Variants in LIN7A observed in about 807,000 individuals in gnomAD.
LIN7A encodes the protein lin-7 cell polarity scaffold A.
A neutral mutation model predicts 29.8 loss-of-function variants in LIN7A; 25 were observed. That is an observed-to-expected ratio of 0.84 (90% confidence interval 0.61 to 1.17). The LOEUF (loss-of-function observed/expected upper bound fraction) is 1.17, where lower values mean the gene tolerates loss of function less well. LIN7A is among the 50% of genes most tolerant of loss of function. The pLI is 0.00. For missense variants in LIN7A, 239 were observed against 287.0 expected (o/e 0.83, Z 1.21); for synonymous variants, 118 against 107.5 (o/e 1.10, Z -0.60).
chr12:80,835,662 A>G (rs1416875876), intron 4 of LIN7A, among the ~76,000 whole-genome samples: 1 of 152,224 alleles, frequency 6.6e-6, no homozygotes, highest in Non-Finnish European at 1.5e-5. Flanking sequence ...AGACACTCTT[A>G]CATACTTTCT....
intron 2 of LIN7A, among the ~76,000 whole-genome samples, chr12:80,882,767 T>C (rs1423365441): frequency 6.6e-6 from 1 of 152,204 alleles, no homozygotes; most frequent in East Asian, 1.9e-4. Context: ...CGTCAACTCT[T>C]TAAGCTAGGC....
intron 3 of LIN7A, among the ~76,000 whole-genome samples, chr12:80,846,511 A>G (rs1385033594): frequency 6.6e-6 from 1 of 152,180 alleles, no homozygotes; most frequent in East Asian, 1.9e-4. Context: ...AAAATTAAGG[A>G]TGCCTTAAAG....
intron 1 of LIN7A, among the ~76,000 whole-genome samples, chr12:80,922,518 T>C (rs560120278): frequency 6.6e-6 from 1 of 152,302 alleles, no homozygotes; most frequent in East Asian, 1.9e-4. Flanking sequence ...CACTGAAAGG[T>C]AACCTGAATG....
intron 1 of LIN7A, among the ~76,000 whole-genome samples, chr12:80,921,902 G>A (rs990986746): frequency 6.6e-6 from 1 of 152,180 alleles, no homozygotes; most frequent in African/African-American, 2.4e-5. Flanking sequence ...CAGCTAAGTA[G>A]GATAGGTCTG....
intron 1 of LIN7A, among the ~76,000 whole-genome samples, chr12:80,894,448 C>T (rs953636954): frequency 6.6e-6 from 1 of 151,524 alleles, no homozygotes; most frequent in Non-Finnish European, 1.5e-5. Context: ...CTTTGCTCTC[C>T]CTCACACTCC....
intron 4 of LIN7A, among the ~76,000 whole-genome samples, chr12:80,818,221 G>A (rs554025090): frequency 4.6e-5 from 7 of 152,066 alleles, no homozygotes; most frequent in African/African-American, 1.4e-4. Flanking sequence ...TGCAGTGGCC[G>A]GATCTTGGCT....
intron 2 of LIN7A, among the ~76,000 whole-genome samples, chr12:80,883,946 C>T (rs143025323): frequency 6.6e-6 from 1 of 152,052 alleles, no homozygotes; most frequent in Non-Finnish European, 1.5e-5. Flanking sequence ...CACTGGGGAC[C>T]AGGAGCACTT....
chr12:80,853,457 T>C (rs1484364511), intron 2 of LIN7A, among the ~76,000 whole-genome samples: 2 of 152,146 alleles, frequency 1.3e-5, no homozygotes, highest in Non-Finnish European at 2.9e-5. Flanking sequence ...TATAAAGAAC[T>C]GTCAAAAGCC....
At chr12:80,854,112 C>T (rs955265633) in intron 2 of LIN7A, among the ~76,000 whole-genome samples, 1 of 152,122 alleles carries the variant, frequency 6.6e-6, no homozygotes, top group East Asian at 1.9e-4. Context: ...CTTCTTCTAG[C>T]TATTTATCCA....
intron 4 of LIN7A, among the ~76,000 whole-genome samples, chr12:80,821,682 G>A (rs569221840): frequency 6.6e-6 from 1 of 152,362 alleles, no homozygotes; most frequent in African/African-American, 2.4e-5. Flanking sequence ...TAGGGAGCCA[G>A]TGGGAGCCAG....
intron 5 of LIN7A, among the ~76,000 whole-genome samples, chr12:80,807,080 T>TTTTTTTTGTTG (rs1555221377): frequency 3.7e-5 from 5 of 134,686 alleles, no homozygotes; most frequent in African/African-American, 1.4e-4. Flanking sequence ...TTTTTTTTTT[T>TTTTTTTTGTTG]TTTTTTTTTT....
At chr12:80,912,752 A>C (rs1876828092) in intron 1 of LIN7A, among the ~76,000 whole-genome samples, 5 of 151,220 alleles carry the variant, frequency 3.3e-5, no homozygotes, top group Admixed American at 3.3e-4. Flanking sequence ...AAAAGAAAAC[A>C]CTCTATAGAA....
chr12:80,866,367 T>C (rs1431759647), intron 2 of LIN7A, among the ~76,000 whole-genome samples: 1 of 152,202 alleles, frequency 6.6e-6, no homozygotes, highest in African/African-American at 2.4e-5. Context: ...TGAAAGCATT[T>C]TGTTGACTCT....
chr12:80,800,701 T>C (rs551727702), intron 5 of LIN7A, among the ~76,000 whole-genome samples: 1 of 152,216 alleles, frequency 6.6e-6, no homozygotes, highest in Admixed American at 6.5e-5. Flanking sequence ...CTATAATTGC[T>C]TTCAGCATAT....
chr12:80,900,285 A>C (rs1876144089), intron 1 of LIN7A, among the ~76,000 whole-genome samples: 1 of 151,446 alleles, frequency 6.6e-6, no homozygotes, highest in South Asian at 2.1e-4. Flanking sequence ...GATTTTGGTT[A>C]TTTTTTTGTC....
chr12:80,891,061 G>T (rs1875598795), intron 1 of LIN7A, among the ~76,000 whole-genome samples: 1 of 151,994 alleles, frequency 6.6e-6, no homozygotes, highest in African/African-American at 2.4e-5. Flanking sequence ...AAACTATGGT[G>T]TTTTTCACAC....
Position 80,903,119 on chromosome 12 carries a change from G to A in LIN7A, c.83-13750C>T, listed in dbSNP as rs530656047. Among the ~76,000 whole-genome samples the A allele has an allele frequency of 1.3e-4, 19 of 151,562 alleles. No homozygotes were observed. The South Asian group carries it at 1.5e-3, about 12-fold the overall frequency. ...CAAACAGACTAGCCATCAAAGAAATGTACTGCTTTAATATTTAAACATTAT... is the reference window on the plus strand; with the variant it reads ...CAAACAGACTAGCCATCAAAGAAATATACTGCTTTAATATTTAAACATTAT... On this transcript the variant is annotated intron_variant, in intron 1 of 5. Transcript: ENST00000552864.
At chr12:80,813,912 G>C (rs1023390783) in intron 4 of LIN7A, among the ~76,000 whole-genome samples, 5 of 152,072 alleles carry the variant, frequency 3.3e-5, no homozygotes, top group African/African-American at 4.8e-5. Flanking sequence ...TGGAGACTGA[G>C]ATAAGGTTAA....
chr12:80,920,427 T>C (rs7966418), intron 1 of LIN7A, among the ~76,000 whole-genome samples: 26,304 of 152,020 alleles, frequency 0.17, 3,773 homozygotes, highest in African/African-American at 0.36. Flanking sequence ...GCACCAAAGA[T>C]GGAAGGGAGC....
Sources: allele counts gnomAD v4.1 joint callset (sites outside exome capture counted in the v4.1 genomes callset), GRCh38; gene constraint gnomAD v4.1.1; transcripts MANE v1.5; gene names NCBI Gene and HGNC (gene_info 2026-07-23, HGNC 2026-07-21).